Variants in PHKB observed in about 807,000 individuals in gnomAD.
The protein encoded by PHKB is phosphorylase b kinase regulatory subunit beta.
Under a neutral mutation model 152.1 loss-of-function variants are expected in PHKB, and 122 were observed. The ratio of observed to expected loss-of-function variants is 0.80; its 90% CI spans 0.69 to 0.93. The LOEUF is 0.93. Among genes scored for constraint, PHKB ranks in the 40% least tolerant of loss-of-function variants. The pLI, the probability that PHKB is intolerant of heterozygous loss-of-function variation, is 0.00. For synonymous variants in PHKB, 436 were observed against 464.9 expected (o/e 0.94, Z 0.80); for missense variants, 1,304 against 1,328.4 (o/e 0.98, Z 0.29).
intron 1 of PHKB, chr16:47,462,594 AC>A (rs1969588695): frequency 6.6e-6 from 1 of 151,990 alleles, no homozygotes; most frequent in South Asian, 2.1e-4. Flanking sequence ...AGGTCGCACC[AC>A]TGCACTCCAG....
chr16:47,560,271 A>G (rs1271568779), intron 7 of PHKB, among the ~76,000 whole-genome samples: 1 of 152,328 alleles, frequency 6.6e-6, no homozygotes, highest in South Asian at 2.1e-4. Context: ...AAGAAGTGTA[A>G]GACTTGTATA....
rs905159768 is a variant in PHKB, at chr16:47,700,560, G to A, written c.*1194G>A. On this transcript the variant is annotated 3_prime_UTR_variant, in exon 31 of 31. Coordinates refer to ENST00000323584, the MANE Select transcript of PHKB (RefSeq NM_000293.3). Reference sequence around the variant, plus strand: ...ATTGATTTAGAGGTAGAATGGAAGAGAATCTGTGGTACCTACCATTATACA... The same window carrying A: ...ATTGATTTAGAGGTAGAATGGAAGAAAATCTGTGGTACCTACCATTATACA... 1 of 151,930 alleles carries A rather than the reference G, an allele frequency of 6.6e-6. No homozygotes were observed. The highest frequency in any genetic ancestry group is 1.5e-5 in the Non-Finnish European group (1 of 67,962). The allele number at this position is 151,930 out of a possible 1,614,324, so 9.4% of individuals were successfully genotyped here. A position where few individuals can be genotyped will look rare whatever the true frequency, so the allele number is the denominator to read the frequency against.
At chr16:47,507,721 G>GAT (rs1376487940) in intron 4 of PHKB, among the ~76,000 whole-genome samples, 2 of 152,122 alleles carry the variant, frequency 1.3e-5, no homozygotes, top group African/African-American at 4.8e-5. Context: ...ATGTAGCTAT[G>GAT]ATATAGACCA....
chr16:47,667,964 C>T (rs1973568758), intron 25 of PHKB, among the ~76,000 whole-genome samples: 1 of 152,224 alleles, frequency 6.6e-6, no homozygotes, highest in African/African-American at 2.4e-5. Context: ...GTAACAGTCA[C>T]TTACAGAGCT....
intron 20 of PHKB, among the ~76,000 whole-genome samples, chr16:47,653,690 C>T (rs1973280341): frequency 1.3e-5 from 2 of 151,932 alleles, no homozygotes. Flanking sequence ...TTTTTCTATT[C>T]CTTTTAAGAA....
chr16:47,486,864 A>G (rs1332862193), intron 1 of PHKB, among the ~76,000 whole-genome samples: 1 of 152,204 alleles, frequency 6.6e-6, no homozygotes, highest in East Asian at 1.9e-4. Context: ...GTCTTCAAAA[A>G]TTGTACACCT....
intron 18 of PHKB, among the ~76,000 whole-genome samples, chr16:47,650,137 T>C (rs13332639): frequency 0.013 from 2,025 of 152,208 alleles, 53 homozygotes; most frequent in African/African-American, 0.046. Context: ...GGAGGCCAAG[T>C]GCATTGGCTC....
At chr16:47,634,132 T>C (rs767236682) in intron 14 of PHKB, among the ~76,000 whole-genome samples, 3 of 152,208 alleles carry the variant, frequency 2.0e-5, no homozygotes, top group Non-Finnish European at 4.4e-5. Flanking sequence ...CTCATAACCC[T>C]AGGAAATAGT....
At position 47,573,247 on chromosome 16, in the gene PHKB, A is replaced by G. The variant is rs904240831; in HGVS notation, c.711-7048A>G. On this transcript the variant is annotated intron_variant, in intron 7 of 30. Coordinates refer to ENST00000323584, the MANE Select transcript of PHKB (RefSeq NM_000293.3). ...TTGGCTTATGTTACCCTGGGGAAAC[A>G]CTCATATCCCAGGCAATGGGCAGGG... Among the ~76,000 whole-genome samples the G allele has an allele frequency of 5.9e-5, 9 of 152,110 alleles. No individual in the cohort carries two copies. In the South Asian group the frequency reaches 1.9e-3, roughly 32 times the overall value.
intron 26 of PHKB, among the ~76,000 whole-genome samples, chr16:47,681,595 C>G (rs896714474): frequency 6.6e-6 from 1 of 151,912 alleles, no homozygotes; most frequent in Non-Finnish European, 1.5e-5. Context: ...ATTGCAACCC[C>G]TGCCTTTTTT....
chr16:47,504,022 G>T (rs531054408), intron 4 of PHKB, among the ~76,000 whole-genome samples: 1 of 152,136 alleles, frequency 6.6e-6, no homozygotes, highest in African/African-American at 2.4e-5. Flanking sequence ...ATGCATATGG[G>T]TCCCTAAGAC....
At chr16:47,621,919 G>A (rs1972624661) in intron 14 of PHKB, among the ~76,000 whole-genome samples, 1 of 152,012 alleles carries the variant, frequency 6.6e-6, no homozygotes, top group South Asian at 2.1e-4. Context: ...AGTTGAATTG[G>A]AAGTCAAAAA....
intron 26 of PHKB, among the ~76,000 whole-genome samples, chr16:47,680,981 A>G (rs1973842579): frequency 6.6e-6 from 1 of 152,010 alleles, no homozygotes; most frequent in Admixed American, 6.6e-5. Context: ...CTTTGTTCTC[A>G]TTGGTTTTAA....
intron 6 of PHKB, among the ~76,000 whole-genome samples, chr16:47,536,898 A>T (rs1445838440): frequency 6.6e-6 from 1 of 152,234 alleles, no homozygotes; most frequent in East Asian, 1.9e-4. Flanking sequence ...CTTCACTAAG[A>T]AAAGTTTTGA....
intron 1 of PHKB, among the ~76,000 whole-genome samples, chr16:47,472,000 G>C: frequency 6.6e-6 from 1 of 152,150 alleles, no homozygotes; most frequent in South Asian, 2.1e-4. Context: ...GTCTTGCATT[G>C]AGCTGAGATT....
At chr16:47,483,440 G>A (rs1402375041) in intron 1 of PHKB, among the ~76,000 whole-genome samples, 2 of 152,100 alleles carry the variant, frequency 1.3e-5, no homozygotes, top group East Asian at 3.9e-4. Flanking sequence ...TGTCATTTAA[G>A]CCTTAGAAGT....
intron 26 of PHKB, among the ~76,000 whole-genome samples, chr16:47,688,330 T>C (rs1974000712): frequency 6.6e-6 from 1 of 152,234 alleles, no homozygotes; most frequent in Admixed American, 6.5e-5. Context: ...TTCTGAGTTC[T>C]GTCCTCAGAA....
At chr16:47,497,239 T>C (rs1365034067) in intron 1 of PHKB, among the ~76,000 whole-genome samples, 160 bp from the exon 2 acceptor site, 1 of 152,200 alleles carries the variant, frequency 6.6e-6, no homozygotes, top group Non-Finnish European at 1.5e-5. Context: ...ATTCCCCCTC[T>C]TGTTCCCCCA....
intron 13 of PHKB, among the ~76,000 whole-genome samples, chr16:47,601,115 G>A (rs1470842646): frequency 6.6e-6 from 1 of 152,188 alleles, no homozygotes; most frequent in Non-Finnish European, 1.5e-5. Context: ...TACTCAGGAG[G>A]CTGAGGCCAG....
Sources: gnomAD v4.1 joint callset for allele counts (sites outside exome capture counted in the v4.1 genomes callset) on GRCh38, gnomAD v4.1.1 for gene constraint, MANE v1.5 for transcripts, NCBI Gene and HGNC (gene_info 2026-07-23, HGNC 2026-07-21) for gene names.